Variants in SLC16A7 observed in about 807,000 individuals in gnomAD.
SLC16A7 encodes the protein solute carrier family 16 member 7, also known as monocarboxylate transporter 2.
A neutral mutation model predicts 34.9 loss-of-function variants in SLC16A7; 33 were observed. The observed-to-expected ratio is 0.94, with a 90% CI of 0.72 to 1.26. SLC16A7 has a LOEUF of 1.26. Ranked by LOEUF, SLC16A7 falls within the 50% of genes most tolerant of loss-of-function variation. The pLI is 0.00. For missense variants in SLC16A7, 573 were observed against 578.1 expected (o/e 0.99, Z 0.09); for synonymous variants, 201 against 206.6 (o/e 0.97, Z 0.23).
intron 2 of SLC16A7, among the ~76,000 whole-genome samples, chr12:59,683,960 T>C (rs531194635): frequency 6.6e-6 from 1 of 152,336 alleles, no homozygotes; most frequent in South Asian, 2.1e-4. Context: ...TCAGTGGCTT[T>C]GGAGATTAGA....
intron 1 of SLC16A7, among the ~76,000 whole-genome samples, chr12:59,602,156 T>G (rs961139800): frequency 1.3e-5 from 2 of 152,180 alleles, no homozygotes; most frequent in Non-Finnish European, 2.9e-5. Context: ...TCAAAATTAT[T>G]TTGCCTTTCA....
intron 3 of SLC16A7, among the ~76,000 whole-genome samples, chr12:59,764,276 T>C (rs2137404564): frequency 6.6e-6 from 1 of 152,264 alleles, no homozygotes; most frequent in East Asian, 1.9e-4. Context: ...TCAATTCTAC[T>C]GAAGGTAAGG....
At chr12:59,771,047 A>G (rs146606336) in intron 3 of SLC16A7, among the ~76,000 whole-genome samples, 172 bp from the exon 4 acceptor site, 41 of 152,214 alleles carry the variant, frequency 2.7e-4, no homozygotes. Context: ...TAACCTGTCA[A>G]ACTGATCATT....
At chr12:59,659,208 G>GCACACA (rs111940721) in intron 2 of SLC16A7, among the ~76,000 whole-genome samples, 1 of 149,530 alleles carries the variant, frequency 6.7e-6, no homozygotes, top group African/African-American at 2.4e-5. Flanking sequence ...GCATGTGCAC[G>GCACACA]CACACACACA....
At chr12:59,736,017 T>A in intron 3 of SLC16A7, 3 of 640,782 alleles carry the variant, frequency 4.7e-6, no homozygotes, top group Non-Finnish European at 7.1e-6. Context: ...AAACATTATT[T>A]TAATGTATGG....
At chr12:59,728,643 T>A (rs1876574085) in intron 3 of SLC16A7, among the ~76,000 whole-genome samples, 1 of 152,176 alleles carries the variant, frequency 6.6e-6, no homozygotes, top group Non-Finnish European at 1.5e-5. Context: ...GAGGATCACT[T>A]GAGCCCAGGA....
intron 1 of SLC16A7, among the ~76,000 whole-genome samples, chr12:59,606,749 C>G (rs1340845461): frequency 2.0e-5 from 3 of 152,088 alleles, no homozygotes; most frequent in African/African-American, 7.2e-5. Context: ...GCAAAAATAC[C>G]TGGACAAATA....
intron 3 of SLC16A7, among the ~76,000 whole-genome samples, chr12:59,765,414 A>G (rs1018423566): frequency 5.3e-5 from 8 of 152,194 alleles, no homozygotes; most frequent in Non-Finnish European, 1.0e-4. Flanking sequence ...GCCCATGCCT[A>G]TGTCCTGAAT....
At chr12:59,648,704 T>A (rs570088498) in intron 1 of SLC16A7, among the ~76,000 whole-genome samples, 4 of 152,218 alleles carry the variant, frequency 2.6e-5, no homozygotes, top group Non-Finnish European at 4.4e-5. Flanking sequence ...ACAGGATTGA[T>A]TGAAATAAAA....
At position 59,673,761 on chromosome 12, in the gene SLC16A7, G is replaced by A. The variant is rs1358062953; in HGVS notation, c.-31+18511G>A. Among the ~76,000 whole-genome samples, 5 of 152,214 alleles carry A rather than the reference G, an allele frequency of 3.3e-5. No homozygotes were observed. The East Asian group carries it at 5.8e-4, about 18-fold the overall frequency. ...TGTATCAGTTCTTCAAATGACTTAA[G>A]TCTCTATTGGTCTTTGCTGTGATAC... On this transcript the variant is annotated intron_variant, in intron 2 of 5. Coordinates refer to ENST00000547379, the MANE Select transcript of SLC16A7 (RefSeq NM_001270623.2).
At chr12:59,601,139 T>C (rs1878663522) in intron 1 of SLC16A7, among the ~76,000 whole-genome samples, 1 of 152,248 alleles carries the variant, frequency 6.6e-6, no homozygotes, top group South Asian at 2.1e-4. Context: ...ATATACAGTG[T>C]TGGTATTTTG....
intron 1 of SLC16A7, among the ~76,000 whole-genome samples, chr12:59,611,887 C>A (rs1280694627): frequency 1.3e-5 from 2 of 152,206 alleles, no homozygotes; most frequent in Non-Finnish European, 2.9e-5. Context: ...AAAACATGGT[C>A]ACATATGGCC....
intron 2 of SLC16A7, among the ~76,000 whole-genome samples, chr12:59,656,163 A>G (rs1868523090): frequency 6.6e-6 from 1 of 151,854 alleles, no homozygotes; most frequent in Non-Finnish European, 1.5e-5. Flanking sequence ...TGTATCATGT[A>G]CTCTGTCTTC....
At chr12:59,711,137 A>G (rs1050242174) in intron 3 of SLC16A7, among the ~76,000 whole-genome samples, 2 of 152,188 alleles carry the variant, frequency 1.3e-5, no homozygotes, top group African/African-American at 4.8e-5. Context: ...CCCTGCAGGC[A>G]GTGGGTGAAT....
intron 2 of SLC16A7, among the ~76,000 whole-genome samples, chr12:59,704,315 T>C (rs1191656890): frequency 1.3e-5 from 2 of 149,706 alleles, no homozygotes; most frequent in Non-Finnish European, 3.0e-5. Flanking sequence ...AAAAAGCCAA[T>C]AGATCATGTC....
At chr12:59,684,156 A>G (rs1206489795) in intron 2 of SLC16A7, among the ~76,000 whole-genome samples, 1 of 152,176 alleles carries the variant, frequency 6.6e-6, no homozygotes, top group Non-Finnish European at 1.5e-5. Flanking sequence ...GATAAAGGCA[A>G]CTCTAAAAGA....
At chr12:59,692,500 A>T (rs1871790188) in intron 2 of SLC16A7, among the ~76,000 whole-genome samples, 1 of 151,952 alleles carries the variant, frequency 6.6e-6, no homozygotes, top group Non-Finnish European at 1.5e-5. Flanking sequence ...GCACTCAAAA[A>T]GTTTTGGATT....
intron 2 of SLC16A7, among the ~76,000 whole-genome samples, chr12:59,665,707 C>T (rs1217570843): frequency 6.6e-6 from 1 of 151,810 alleles, no homozygotes. Context: ...AGATGCATTG[C>T]TTAAGTTACT....
intron 1 of SLC16A7, among the ~76,000 whole-genome samples, chr12:59,631,474 A>G (rs1880179947): frequency 6.6e-6 from 1 of 151,944 alleles, no homozygotes; most frequent in African/African-American, 2.4e-5. Flanking sequence ...TCTGTTAGCT[A>G]TTATTATATA....
Sources: gnomAD v4.1 joint callset for allele counts (sites outside exome capture counted in the v4.1 genomes callset) on GRCh38, gnomAD v4.1.1 for gene constraint, MANE v1.5 for transcripts, NCBI Gene and HGNC (gene_info 2026-07-23, HGNC 2026-07-21) for gene names.